PCDH15: variants seen among roughly 807,000 people sequenced by gnomAD.
PCDH15 encodes the protein protocadherin related 15, also known as protocadherin-15.
In PCDH15, 129 loss-of-function variants were observed where a neutral mutation model predicts 178.5. That is an observed-to-expected ratio of 0.72 (90% CI 0.63 to 0.84). The LOEUF is 0.84. Ranked by LOEUF, PCDH15 falls within the 40% of genes least tolerant of loss-of-function variation. The pLI, the probability that PCDH15 is intolerant of heterozygous loss-of-function variation, is 0.00. For missense variants in PCDH15, 2,230 were observed against 2,099.9 expected (o/e 1.06, Z -1.21); for synonymous variants, 800 against 732.0 (o/e 1.09, Z -1.50).
intron 2 of PCDH15, among the ~76,000 whole-genome samples, chr10:55,443,354 G>T (rs893452406): frequency 6.6e-6 from 1 of 151,862 alleles, no homozygotes; most frequent in Non-Finnish European, 1.5e-5. Flanking sequence ...AACAGGCAAC[G>T]TACAGAATGG....
At position 54,185,154 on chromosome 10, in the gene PCDH15, G is replaced by A; in HGVS notation, c.1420C>T (p.Gln474Ter). Residue 474 changes from glutamine (Q) to a stop codon, truncating the protein, a stop_gained, in exon 12 of 38, where the codon CAG becomes TAG. Coordinates refer to ENST00000644397, the MANE Select transcript of PCDH15 (RefSeq NM_001384140.1). LOFTEE classifies it high-confidence loss of function. ...TTTACCGAAAAGGTGTAAGTTTGCT[G>A]TTCTTCCCTGTCCACTGGTTGAAGT... ...TLLQPVDREE[Q>*]QTYTFSITAF... The A allele has an allele frequency of 6.2e-7, 1 of 1,613,480 alleles. No individual in the cohort carries two copies. Among genetic ancestry groups the A allele is most frequent in the East Asian group, 2.2e-5 (1 of 44,800 alleles).
chr10:55,070,511 C>T (rs1419408575), intron 2 of PCDH15, among the ~76,000 whole-genome samples: 1 of 152,114 alleles, frequency 6.6e-6, no homozygotes, highest in Admixed American at 6.6e-5. Context: ...AGCCAGTTTT[C>T]CCAGCACCAT....
intron 2 of PCDH15, among the ~76,000 whole-genome samples, chr10:54,534,036 T>A (rs1263196339): frequency 6.6e-6 from 1 of 152,146 alleles, no homozygotes; most frequent in African/African-American, 2.4e-5. Flanking sequence ...AACTCATATA[T>A]TTTTACAACA....
At chr10:55,527,157 C>T (rs1297925945) in intron 2 of PCDH15, among the ~76,000 whole-genome samples, 1 of 152,034 alleles carries the variant, frequency 6.6e-6, no homozygotes. Flanking sequence ...GGTGACATTG[C>T]CTCTGGTGCA....
At chr10:54,393,412 T>C (rs1950797326) in intron 3 of PCDH15, among the ~76,000 whole-genome samples, 1 of 152,194 alleles carries the variant, frequency 6.6e-6, no homozygotes, top group Admixed American at 6.5e-5. Context: ...CCATATCATT[T>C]GCAGAGGGAT....
intron 2 of PCDH15, among the ~76,000 whole-genome samples, chr10:54,551,255 C>A (rs568905880): frequency 2.3e-4 from 33 of 146,220 alleles, no homozygotes; most frequent in Non-Finnish European, 4.4e-4. Context: ...CAAATATAAA[C>A]AGACAGTGGG....
intron 3 of PCDH15, among the ~76,000 whole-genome samples, chr10:54,494,484 C>A (rs1358219412): frequency 6.6e-6 from 1 of 152,228 alleles, no homozygotes; most frequent in Non-Finnish European, 1.5e-5. Context: ...AAGTTTCTCT[C>A]TTTCTGCCAC....
chr10:54,747,413 T>G (rs1945611012), intron 1 of PCDH15, among the ~76,000 whole-genome samples: 1 of 152,246 alleles, frequency 6.6e-6, no homozygotes, highest in Non-Finnish European at 1.5e-5. Flanking sequence ...GTGAACTAAT[T>G]AATCAACCAG....
At chr10:54,314,436 T>TA in intron 8 of PCDH15, among the ~76,000 whole-genome samples, 1 of 152,064 alleles carries the variant, frequency 6.6e-6, no homozygotes, top group Non-Finnish European at 1.5e-5. Flanking sequence ...ACTTGAACCT[T>TA]ACATGCTTAA....
intron 23 of PCDH15, among the ~76,000 whole-genome samples, chr10:53,955,835 A>G (rs1441386547): frequency 2.0e-5 from 3 of 152,194 alleles, no homozygotes; most frequent in Non-Finnish European, 4.4e-5. Context: ...AGTAAAATGA[A>G]TTTGAAAAAA....
At position 55,194,821 on chromosome 10, in the gene PCDH15, T is replaced by TA. The variant is rs75398850; in HGVS notation, c.-155-28171dup. On this transcript the variant is annotated intron_variant, in intron 1 of 5. Coordinates refer to the PCDH15 transcript ENST00000458638. ...GAGAAGCACTACTGTAATTTAGAAGTAAAAAAAAAAAATCAATTATTTCCC... is the reference window on the plus strand; with the variant it reads ...GAGAAGCACTACTGTAATTTAGAAGTAAAAAAAAAAAAATCAATTATTTCCC... Among the ~76,000 whole-genome samples the TA allele has an allele frequency of 4.9e-4, 71 of 145,620 alleles. 3 individuals are homozygous for TA. In the South Asian group the frequency reaches 5.2e-3, roughly 11 times the overall value.
At chr10:54,227,213 C>T (rs956307220) in intron 9 of PCDH15, among the ~76,000 whole-genome samples, 1 of 152,216 alleles carries the variant, frequency 6.6e-6, no homozygotes, top group Admixed American at 6.5e-5. Flanking sequence ...CATGAGATCC[C>T]TGCCCCTGAA....
intron 6 of PCDH15, among the ~76,000 whole-genome samples, chr10:54,344,542 G>A (rs796360091): frequency 6.6e-6 from 1 of 151,862 alleles, no homozygotes; most frequent in African/African-American, 2.4e-5. Context: ...TAAAAAACAT[G>A]GACTAGTCAT....
At chr10:54,743,737 C>G (rs967706252) in intron 1 of PCDH15, among the ~76,000 whole-genome samples, 4 of 151,802 alleles carry the variant, frequency 2.6e-5, no homozygotes, top group African/African-American at 9.7e-5. Context: ...CTAAATACTG[C>G]TCCTAAATAT....
chr10:54,796,791 T>A (rs1480707362), intron 1 of PCDH15, among the ~76,000 whole-genome samples: 1 of 152,044 alleles, frequency 6.6e-6, no homozygotes, highest in East Asian at 1.9e-4. Context: ...TGTCTCTGTC[T>A]CTCGGACAGA....
At chr10:54,004,250 C>G (rs2135056927) in intron 20 of PCDH15, among the ~76,000 whole-genome samples, 1 of 152,108 alleles carries the variant, frequency 6.6e-6, no homozygotes, top group South Asian at 2.1e-4. Context: ...CCACTATCAC[C>G]ACTGTTATTC....
chr10:54,087,028 C>A (rs2094526768), intron 16 of PCDH15, among the ~76,000 whole-genome samples: 1 of 152,120 alleles, frequency 6.6e-6, no homozygotes, highest in Admixed American at 6.6e-5. Context: ...ATTTCACAAT[C>A]AGCAATTGAA....
chr10:54,280,230 T>C (rs11819101), intron 8 of PCDH15, among the ~76,000 whole-genome samples: 14,784 of 151,656 alleles, frequency 0.097, 1,193 homozygotes, highest in African/African-American at 0.22. Flanking sequence ...GAAGACTGCC[T>C]ATTCATGTGG....
chr10:55,043,228 A>C (rs1452243410), intron 2 of PCDH15, among the ~76,000 whole-genome samples: 1 of 152,056 alleles, frequency 6.6e-6, no homozygotes, highest in African/African-American at 2.4e-5. Flanking sequence ...CCTCCTCTCA[A>C]TTCCTACTGT....
Sources: allele counts gnomAD v4.1 joint callset (sites outside exome capture counted in the v4.1 genomes callset), GRCh38; gene constraint gnomAD v4.1.1; transcripts MANE v1.5; gene names NCBI Gene and HGNC (gene_info 2026-07-23, HGNC 2026-07-21).